The following SPATA13 variants were observed in gnomAD, a reference collection of about 807,000 sequenced individuals.
SPATA13 encodes the protein spermatogenesis associated 13, also known as spermatogenesis-associated protein 13.
A neutral mutation model predicts 104.0 loss-of-function variants in SPATA13; 50 were observed. The observed-to-expected ratio is 0.48, with a 90% CI of 0.38 to 0.61. SPATA13 has a LOEUF of 0.61. SPATA13 is among the 20% of genes least tolerant of loss of function. The pLI is 0.00. For synonymous variants in SPATA13, 606 were observed against 667.5 expected, an observed-to-expected ratio of 0.91 and a Z score of 1.42; for missense variants, 1,524 against 1,690.6, an observed-to-expected ratio of 0.90 and a Z score of 1.73.
intron 3 of SPATA13, chr13:24,122,889 A>G (rs1881085322): frequency 6.5e-6 from 5 of 774,580 alleles, no homozygotes; most frequent in Non-Finnish European, 9.6e-6. Context: ...AACGACCTGT[A>G]AGCAGATTCC....
rs183428275 is a variant in SPATA13 at position 24,205,323 on chromosome 13, A to G, written c.-111-17496A>G. The stretch of plus-strand genomic sequence containing the variant: ...TGGGCAAGCAGAAAGCCAAGCCATG[A>G]AAGAATTTCCATTTACAATTGCCAC... On this transcript the variant is annotated intron_variant, in intron 1 of 12. Transcript: ENST00000382108. This position sits in a 1 kb window ranked among gnomAD's most constrained non-coding sequence, Gnocchi z 4.1. 4.6e-3 allele frequency among the ~76,000 whole-genome samples: 694 copies of G among 152,324 alleles called. 6 individuals are homozygous for G. Among genetic ancestry groups the G allele is most frequent in the South Asian group, 0.013 (63 of 4,830 alleles).
At chr13:24,134,368 C>G (rs1374741003) in intron 3 of SPATA13, among the ~76,000 whole-genome samples, 1 of 152,206 alleles carries the variant, frequency 6.6e-6, no homozygotes, top group Non-Finnish European at 1.5e-5. Flanking sequence ...TTCTGGTGCG[C>G]TGCTCAGGGC....
chr13:24,017,035 G>C (rs773012497), intron 2 of SPATA13, among the ~76,000 whole-genome samples: 1 of 152,198 alleles, frequency 6.6e-6, no homozygotes, highest in Non-Finnish European at 1.5e-5. Context: ...AGTGAGGAGC[G>C]CCCGAAGTGT....
intron 2 of SPATA13, among the ~76,000 whole-genome samples, chr13:24,005,724 G>A (rs191574039): frequency 1.2e-4 from 18 of 152,152 alleles, no homozygotes; most frequent in Non-Finnish European, 2.9e-5. Context: ...CTGTAGAGGG[G>A]CATTTTCTGA....
At chr13:24,023,537 AAAG>A (rs1345676529) in intron 3 of SPATA13, among the ~76,000 whole-genome samples, 13 of 152,196 alleles carry the variant, frequency 8.5e-5, no homozygotes, top group African/African-American at 2.9e-4. Flanking sequence ...TTTCAATGGT[AAAG>A]AAGAATTAGG....
chr13:24,133,213 C>G (rs1177092010), intron 3 of SPATA13, among the ~76,000 whole-genome samples: 1 of 152,138 alleles, frequency 6.6e-6, no homozygotes, highest in Non-Finnish European at 1.5e-5. Context: ...AGAGATCAAA[C>G]TGCCCCACCA....
chr13:24,114,999 T>C (rs9507248), intron 3 of SPATA13, among the ~76,000 whole-genome samples: 74,740 of 151,964 alleles, frequency 0.49, 19,590 homozygotes, highest in East Asian at 0.62. Context: ...GGTTGAGTCC[T>C]GGTGACTCTG....
At chr13:24,041,679 G>A (rs1384097208) in intron 3 of SPATA13, among the ~76,000 whole-genome samples, 1 of 152,180 alleles carries the variant, frequency 6.6e-6, no homozygotes, top group Admixed American at 6.5e-5. Context: ...AAGAAGGGAG[G>A]TGAGGGCTGG....
intron 4 of SPATA13, among the ~76,000 whole-genome samples, chr13:24,272,050 C>T (rs537881795): frequency 6.6e-6 from 1 of 152,336 alleles, no homozygotes; most frequent in East Asian, 1.9e-4. Context: ...GCTAGCGAGA[C>T]GGCACTGGCA....
At chr13:24,297,151 G>A (rs73455751) in intron 10 of SPATA13, among the ~76,000 whole-genome samples, 3,395 of 152,114 alleles carry the variant, frequency 0.022, 103 homozygotes, top group African/African-American at 0.064. Context: ...GGATCCTCCC[G>A]CTTCAGCCTC....
chr13:24,170,225 A>G (rs1016145100), intron 1 of SPATA13, among the ~76,000 whole-genome samples: 1 of 152,230 alleles, frequency 6.6e-6, no homozygotes, highest in African/African-American at 2.4e-5. Context: ...TAACTTGATC[A>G]CATTGACTTC....
intron 11 of SPATA13, among the ~76,000 whole-genome samples, chr13:24,298,120 A>G (rs1876925163): frequency 6.6e-6 from 1 of 152,146 alleles, no homozygotes; most frequent in African/African-American, 2.4e-5. Context: ...AGCACTTTGG[A>G]TGCCACATGC....
In SPATA13 at chr13:23,982,285, T is replaced by C. The variant is rs569682136; in HGVS notation, c.-353-1442T>C. ...CTGGTCCTGCATGAAGACTTTGCTA[T>C]GCATTTTCCACTGCAGCCTGGGAAA... On this transcript the variant is annotated intron_variant, in intron 1 of 14. Coordinates refer to the SPATA13 transcript ENST00000424834. 1.1e-4 allele frequency among the ~76,000 whole-genome samples: 16 copies of C among 152,350 alleles called. No homozygotes were observed. In the East Asian group the frequency reaches 3.1e-3, roughly 29 times the overall value.
At chr13:24,157,072 C>A (rs1324801133), upstream of SPATA13, among the ~76,000 whole-genome samples, 2 of 152,206 alleles carry the variant, frequency 1.3e-5, no homozygotes, top group South Asian at 2.1e-4. Flanking sequence ...TTTGCCTCTG[C>A]TTCCCTAACC....
Position 24,115,726 on chromosome 13 carries a change from G to A in SPATA13, c.-112+98025G>A, listed in dbSNP as rs540002812. On this transcript the variant is annotated intron_variant, in intron 3 of 14. Transcript: ENST00000424834. The stretch of plus-strand genomic sequence containing the variant: ...ACGGGTGCCCTGCCTGTGTGCTTCC[G>A]GTTCCAGATTTCTCAGTGGGTTGTG... Among the ~76,000 whole-genome samples the A allele has an allele frequency of 2.0e-4, 30 of 152,294 alleles. 1 individual carries two copies. Among genetic ancestry groups the A allele is most frequent in the Non-Finnish European group, 2.5e-4 (17 of 68,018 alleles).
Position 24,246,674 on chromosome 13 carries a change from A to G in SPATA13, c.1654-2803A>G, listed in dbSNP as rs1370574826. On this transcript the variant is annotated intron_variant, in intron 2 of 12. Coordinates refer to ENST00000382108, the MANE Select transcript of SPATA13 (RefSeq NM_001166271.3). ...GGAGTTCGAGACCATTCTGGCCAAC[A>G]TGGTGAAACCGTGTCTCTGCTAAAA... 2.0e-5 allele frequency among the ~76,000 whole-genome samples: 3 copies of G among 152,266 alleles called. No homozygotes were observed. The East Asian group carries it at 5.8e-4, about 29-fold the overall frequency.
chr13:24,190,262 TAATATATATTATTA>T lies in SPATA13; in HGVS notation c.-112+29331_-112+29344del. ...TATAACATATCATATATAATATACATAATATATATTATTATATATAATATATAATATTATATATT... is the reference window on the plus strand; with the variant it reads ...TATAACATATCATATATAATATACATTATATAATATATAATATTATATATT... On this transcript the variant is annotated intron_variant, in intron 1 of 12. Coordinates refer to ENST00000382108, the MANE Select transcript of SPATA13 (RefSeq NM_001166271.3). 1.5e-4 allele frequency among the ~76,000 whole-genome samples: 6 copies of T among 39,000 alleles called. 2 individuals are homozygous for T. The highest frequency in any genetic ancestry group is 2.9e-3 in the South Asian group (2 of 694). 25.6% of individuals were successfully genotyped at this position (39,000 alleles called of 152,430 possible).
chr13:24,233,657 G>T (rs946876350), intron 2 of SPATA13, among the ~76,000 whole-genome samples: 1 of 152,100 alleles, frequency 6.6e-6, no homozygotes, highest in Admixed American at 6.5e-5. Context: ...GCTCTGAAAA[G>T]GTTTATGCTC....
intron 1 of SPATA13, among the ~76,000 whole-genome samples, chr13:24,189,015 C>A (rs1236592268): frequency 2.6e-5 from 4 of 152,106 alleles, no homozygotes; most frequent in African/African-American, 9.7e-5. Flanking sequence ...AAAAAGGATT[C>A]TTTTTGAAAT....
Sources: allele counts gnomAD v4.1 joint callset (sites outside exome capture counted in the v4.1 genomes callset), GRCh38; gene constraint gnomAD v4.1.1; non-coding constraint Gnocchi (gnomAD v3.1); transcripts MANE v1.5; gene names NCBI Gene and HGNC (gene_info 2026-07-23, HGNC 2026-07-21).